FAM47E: variants seen among roughly 807,000 people sequenced by gnomAD.
FAM47E encodes the protein family with sequence similarity 47 member E.
FAM47E carries 32 observed loss-of-function variants against 41.6 expected under a neutral mutation model. The ratio of observed to expected loss-of-function variants is 0.77; its 90% CI spans 0.58 to 1.03. FAM47E has a LOEUF of 1.03. FAM47E is among the 50% of genes least tolerant of loss of function. The pLI is 0.00. For synonymous variants in FAM47E, 184 were observed against 188.7 expected (o/e 0.98, Z 0.20); for missense variants, 424 against 485.4 (o/e 0.87, Z 1.19).
At chr4:76,244,476 A>C (rs1008126476) in intron 2 of FAM47E, among the ~76,000 whole-genome samples, 1 of 141,924 alleles carries the variant, frequency 7.0e-6, no homozygotes, top group South Asian at 2.2e-4. Flanking sequence ...TTTGATTTGC[A>C]TTTCTCTAAT....
At chr4:76,266,104 A>C (rs1225161262) in intron 3 of FAM47E, among the ~76,000 whole-genome samples, 1 of 152,198 alleles carries the variant, frequency 6.6e-6, no homozygotes, top group Non-Finnish European at 1.5e-5. Flanking sequence ...GTAATTGATC[A>C]TGTCCTCTTT....
At chr4:76,269,094 C>T in intron 4 of FAM47E, 1 of 269,026 alleles carries the variant, frequency 3.7e-6, no homozygotes. Context: ...TTCTCTCTTT[C>T]ACTCCTTCAA....
chr4:76,238,685 T>TA (rs1253504039), intron 2 of FAM47E, among the ~76,000 whole-genome samples: 1 of 152,184 alleles, frequency 6.6e-6, no homozygotes, highest in African/African-American at 2.4e-5. Flanking sequence ...GGAGGGTGCT[T>TA]AGTCATGTTA....
intron 2 of FAM47E, among the ~76,000 whole-genome samples, chr4:76,233,586 G>GCA (rs34421184): frequency 3.3e-5 from 5 of 150,762 alleles, no homozygotes; most frequent in South Asian, 2.1e-4. Flanking sequence ...ACACACACAC[G>GCA]CACACACACA....
chr4:76,276,895 T>C (rs377641085), intron 5 of FAM47E, among the ~76,000 whole-genome samples: 1 of 152,174 alleles, frequency 6.6e-6, no homozygotes. Flanking sequence ...GTCTCCTCTG[T>C]CCCATCCTCT....
Position 76,256,542 on chromosome 4 carries a change from T to G in FAM47E, c.420+19T>G, listed in dbSNP as rs1443398811. The G allele has an allele frequency of 2.0e-6, 3 of 1,507,496 alleles. No homozygotes were observed. The South Asian group carries it at 3.9e-5, about 19-fold the overall frequency. 93.4% of individuals were successfully genotyped at this position (1,507,496 alleles called of 1,614,324 possible). On this transcript the variant is annotated intron_variant, in intron 2 of 7. Transcript: ENST00000424749. ...CATAGAGGTGATGTGTCCTAGGGTT[T>G]GTGGGAGGGGCTTCACTGGGGCCTT...
intron 2 of FAM47E, among the ~76,000 whole-genome samples, chr4:76,238,203 CT>C (rs1733627896): frequency 2.0e-5 from 3 of 152,140 alleles, no homozygotes; most frequent in Admixed American, 2.0e-4. Flanking sequence ...CTAAATATTC[CT>C]TTGTATCACG....
intron 7 of FAM47E, chr4:76,281,461 A>C (rs2110030793): frequency 6.6e-6 from 1 of 151,534 alleles, no homozygotes; most frequent in South Asian, 2.1e-4. Context: ...TAAGGTTTGC[A>C]TAACTATATT....
At chr4:76,251,581 C>G, upstream of FAM47E, 1 of 1,288,790 alleles carries the variant, frequency 7.8e-7, no homozygotes, top group East Asian at 3.1e-5. Flanking sequence ...AGGTCCACGT[C>G]CCCAGGCGTC....
chr4:76,263,597 G>T, intron 2 of FAM47E, 107 bp from the exon 3 acceptor site: 1 of 1,379,302 alleles, frequency 7.3e-7, no homozygotes, highest in Non-Finnish European at 9.8e-7. Flanking sequence ...AGCACTGATG[G>T]ACTGAAAAGG....
At chr4:76,232,643 C>T (rs1464740816) in intron 2 of FAM47E, among the ~76,000 whole-genome samples, 1 of 151,998 alleles carries the variant, frequency 6.6e-6, no homozygotes, top group East Asian at 1.9e-4. Context: ...AAAAATATAA[C>T]CTAAACAAGA....
chr4:76,256,613 G>A (rs955218061), intron 2 of FAM47E, 90 bp downstream of exon 2: 2 of 1,398,688 alleles, frequency 1.4e-6, no homozygotes, highest in Admixed American at 2.8e-5. Flanking sequence ...ATGAGAGGGT[G>A]ACATATTTAT....
At chr4:76,232,506 G>A (rs964693358) in intron 2 of FAM47E, among the ~76,000 whole-genome samples, 8 of 152,194 alleles carry the variant, frequency 5.3e-5, no homozygotes, top group Non-Finnish European at 1.5e-5. Flanking sequence ...TGACAAAGGA[G>A]TTTGGTTTTC....
chr4:76,242,142 G>A (rs1684959006), intron 2 of FAM47E, among the ~76,000 whole-genome samples: 2 of 152,156 alleles, frequency 1.3e-5, no homozygotes, highest in African/African-American at 4.8e-5. Context: ...TTAGTGATAT[G>A]GTTTGGATAT....
At chr4:76,250,928 A>G (rs1733945068), upstream of FAM47E, among the ~76,000 whole-genome samples, 1 of 152,114 alleles carries the variant, frequency 6.6e-6, no homozygotes, top group South Asian at 2.1e-4. Context: ...AATATCCCCA[A>G]TAACCCTACA....
At chr4:76,243,410 A>G (rs1733752244) in intron 2 of FAM47E, among the ~76,000 whole-genome samples, 1 of 152,150 alleles carries the variant, frequency 6.6e-6, no homozygotes, top group Non-Finnish European at 1.5e-5. Context: ...GTCTTGTTTC[A>G]CCATCTCTCC....
intron 3 of FAM47E, among the ~76,000 whole-genome samples, chr4:76,264,781 A>G (rs1734559287): frequency 6.6e-6 from 1 of 152,200 alleles, no homozygotes; most frequent in Admixed American, 6.5e-5. Flanking sequence ...CTTTTGGTAG[A>G]GGCAAAGTTT....
Position 76,268,650 on chromosome 4 carries a change from T to A in FAM47E, c.561-10T>A. Reference sequence around the variant, plus strand: ...CTCATATTGTAATTCTTTAATGATCTTATCTTTAGTTCCAAGAAGACGTCT... The same window carrying A: ...CTCATATTGTAATTCTTTAATGATCATATCTTTAGTTCCAAGAAGACGTCT... On this transcript the variant is annotated splice_polypyrimidine_tract_variant and intron_variant, in intron 3 of 7. Coordinates refer to ENST00000424749, the MANE Select transcript of FAM47E (RefSeq NM_001136570.3). The A allele has an allele frequency of 6.5e-7, 1 of 1,549,104 alleles. No individual in the cohort carries two copies. The highest frequency in any genetic ancestry group is 8.7e-7 in the Non-Finnish European group (1 of 1,146,334).
intron 2 of FAM47E, among the ~76,000 whole-genome samples, chr4:76,218,506 T>G (rs547964701): frequency 6.6e-6 from 1 of 152,340 alleles, no homozygotes; most frequent in South Asian, 2.1e-4. Flanking sequence ...TACCGCCTCC[T>G]CCGATCAAGA....
Sources: allele counts gnomAD v4.1 joint callset (sites outside exome capture counted in the v4.1 genomes callset), GRCh38; gene constraint gnomAD v4.1.1; transcripts MANE v1.5; gene names NCBI Gene and HGNC (gene_info 2026-07-23, HGNC 2026-07-21).